The following SUPV3L1 variants were observed in gnomAD, a reference collection of about 807,000 sequenced individuals.
SUPV3L1 encodes the protein ATP-dependent RNA helicase SUPV3L1, mitochondrial.
Under a neutral mutation model 70.0 loss-of-function variants are expected in SUPV3L1, and 35 were observed. That is an observed-to-expected ratio of 0.50 (90% CI 0.38 to 0.66). The LOEUF (loss-of-function observed/expected upper bound fraction) is 0.66. Among genes scored for constraint, SUPV3L1 ranks in the 30% least tolerant of loss-of-function variants. SUPV3L1 has a pLI of 0.00. For synonymous variants in SUPV3L1, 364 were observed against 341.9 expected (o/e 1.06, Z -0.71); for missense variants, 777 against 961.5 (o/e 0.81, Z 2.54).
At chr10:69,186,374 T>A in intron 2 of SUPV3L1, 69 bp from the exon 3 acceptor site, 2 of 943,500 alleles carry the variant, frequency 2.1e-6, no homozygotes, top group Non-Finnish European at 3.3e-6. Flanking sequence ...ATGAGTTTGG[T>A]GTGGTGTGTC....
At chr10:69,180,598 G>T (rs749826593) in intron 1 of SUPV3L1, 36 bp downstream of exon 1, 1 of 1,607,624 alleles carries the variant, frequency 6.2e-7, no homozygotes, top group Non-Finnish European at 8.5e-7. Flanking sequence ...GCAGAGGGTG[G>T]TGTCTGCTGG....
intron 4 of SUPV3L1, among the ~76,000 whole-genome samples, chr10:69,188,224 C>T (rs35065837): frequency 0.16 from 24,231 of 152,132 alleles, 2,593 homozygotes; most frequent in Non-Finnish European, 0.23. Context: ...CAGGGAACCC[C>T]CACACAGACT....
chr10:69,194,833 T>C (rs1017981308), intron 6 of SUPV3L1, among the ~76,000 whole-genome samples: 1 of 143,378 alleles, frequency 7.0e-6, no homozygotes, highest in Non-Finnish European at 1.5e-5. Context: ...ACCCTGTATC[T>C]AAATTAAAAA....
At chr10:69,181,556 A>C (rs1842061004) in intron 1 of SUPV3L1, among the ~76,000 whole-genome samples, 1 of 152,086 alleles carries the variant, frequency 6.6e-6, no homozygotes, top group Admixed American at 6.6e-5. Context: ...GACTGTCTTT[A>C]TTTTCTGCTG....
In SUPV3L1 at chr10:69,207,907, G is replaced by T; in HGVS notation, c.1891G>T (p.Val631Phe). 1 of 1,614,074 alleles carries T rather than the reference G, an allele frequency of 6.2e-7. No homozygotes were observed. The highest frequency in any genetic ancestry group is 8.5e-7 in the Non-Finnish European group (1 of 1,180,010). ...TAAAGACCTCATGGATCTTGAAGCT[G>T]TCCACGATGTCTTGGATCTTTACTT... ...NIKDLMDLEA[V>F]HDVLDLYLWL... Residue 631 changes from valine to phenylalanine, a missense_variant, in exon 14 of 15, where the codon GTC becomes TTC. This residue lies in a region of SUPV3L1 where 619 missense variants were observed against 823.3 expected (regional missense o/e 0.75). Coordinates refer to ENST00000359655, the MANE Select transcript of SUPV3L1 (RefSeq NM_003171.5).
chr10:69,196,653 G>A (rs975184166), intron 7 of SUPV3L1, among the ~76,000 whole-genome samples: 3 of 152,124 alleles, frequency 2.0e-5, no homozygotes, highest in Non-Finnish European at 4.4e-5. Flanking sequence ...GTACCTCAGC[G>A]ATTCCATGGA....
intron 1 of SUPV3L1, among the ~76,000 whole-genome samples, chr10:69,180,965 A>G (rs372707573): frequency 3.3e-5 from 5 of 152,076 alleles, no homozygotes; most frequent in South Asian, 2.1e-4. Context: ...ATCATTGAGG[A>G]GGCGCCGACT....
chr10:69,202,885 T>C lies in SUPV3L1; in HGVS notation c.1618T>C (p.Ser540Pro). The change falls in exon 13 of 15, where the codon TCA (serine) becomes CCA (proline). Residue 540 changes from serine (S) to proline (P), a missense_variant. Transcript: ENST00000359655. Reference protein sequence around the residue: ...SNLIDIFVDFSQVDGQYFVCN... With the variant: ...SNLIDIFVDFPQVDGQYFVCN... Reference sequence around the variant, plus strand: ...CCCCAAGGATATTTTTGTAGACTTTTCACAAGTTGATGGGCAGTATTTTGT... The same window carrying C: ...CCCCAAGGATATTTTTGTAGACTTTCCACAAGTTGATGGGCAGTATTTTGT... 3.1e-6 allele frequency: 5 copies of C among 1,612,544 alleles called. No homozygotes were observed. The highest frequency in any genetic ancestry group is 4.2e-6 in the Non-Finnish European group (5 of 1,179,282).
intron 12 of SUPV3L1, 110 bp from the exon 13 acceptor site, chr10:69,202,757 A>C: frequency 8.3e-7 from 1 of 1,202,992 alleles, no homozygotes; most frequent in South Asian, 1.5e-5. Flanking sequence ...GCCTTTATGG[A>C]AGTTTGTTCT....
rs201987781 is a variant in SUPV3L1, at chr10:69,208,805, C to T, written c.2131C>T (p.Arg711Cys). ...CTTAAAGAGCCAAGCTAGAAGGACA[C>T]GCGGCACCAAAGCTCTAGGGAGTAA... ...GTLKSQARRTRGTKALGSKAT... is the reference protein window; with the variant it reads ...GTLKSQARRTCGTKALGSKAT... Residue 711 changes from arginine to cysteine, a missense_variant, in exon 15 of 15, where the codon CGC (arginine) becomes TGC (cysteine). Physicochemically the swap from Arg to Cys is radical, Grantham distance 180 (BLOSUM62 -3). Coordinates refer to ENST00000359655, the MANE Select transcript of SUPV3L1 (RefSeq NM_003171.5). The T allele has an allele frequency of 7.4e-6, 12 of 1,614,182 alleles. No individual in the cohort carries two copies. Among genetic ancestry groups the T allele is most frequent in the Middle Eastern group, 1.6e-4 (1 of 6,062 alleles).
At chr10:69,192,592 A>G (rs1460203331) in intron 6 of SUPV3L1, 1 of 152,234 alleles carries the variant, frequency 6.6e-6, no homozygotes, top group Non-Finnish European at 1.5e-5. Flanking sequence ...AAACTGTTTT[A>G]TAGTATTCCA....
chr10:69,202,505 C>T lies in SUPV3L1; in HGVS notation c.1585C>T (p.Leu529=), dbSNP rs35591164. ...TGCCTACCATCTCCCTGATGCAACA[C>T]TGTCCAATCTCATTGTAAGTGGAAA... ...MFAYHLPDAT[L]SNLIDIFVDF... Residue 529 remains leucine, a synonymous_variant, in exon 12 of 15, where the codon CTG becomes TTG. Coordinates refer to ENST00000359655, the MANE Select transcript of SUPV3L1 (RefSeq NM_003171.5). 2.1e-3 allele frequency: 3,364 copies of T among 1,612,702 alleles called. 55 individuals carry two copies. In the African/African-American group the frequency reaches 0.037, roughly 18 times the overall value.
rs767484548 is a variant in SUPV3L1, at chr10:69,186,407, C to T, written c.350-36C>T. ...GTCTGTGTGCTTTTTAAAATGAGAA[C>T]TACACCTTACATCTTTTCATTTTGT... On this transcript the variant is annotated intron_variant, in intron 2 of 14. Transcript: ENST00000359655. 4 of 1,460,572 alleles carry T rather than the reference C, an allele frequency of 2.7e-6. No homozygotes were observed. The Admixed American group carries it at 6.9e-5, about 25-fold the overall frequency. The allele number at this position is 1,460,572 out of a possible 1,614,324, so 90.5% of individuals were successfully genotyped here.
chr10:69,202,541 C>T (rs1842711977), intron 12 of SUPV3L1, 22 bp downstream of exon 12: 1 of 1,601,662 alleles, frequency 6.2e-7, no homozygotes, highest in African/African-American at 1.3e-5. Context: ...CTCCCTTTCA[C>T]ATCTCCCCTA....
At chr10:69,184,194 T>C (rs887859391) in intron 1 of SUPV3L1, among the ~76,000 whole-genome samples, 2 of 152,068 alleles carry the variant, frequency 1.3e-5, no homozygotes, top group African/African-American at 4.8e-5. Flanking sequence ...TGTGCCTTTT[T>C]CCAATCTTTT....
intron 5 of SUPV3L1, among the ~76,000 whole-genome samples, chr10:69,190,978 G>T (rs1251653270): frequency 6.9e-6 from 1 of 145,982 alleles, no homozygotes. Context: ...CCCTCTCAGG[G>T]AATTATAATA....
intron 5 of SUPV3L1, among the ~76,000 whole-genome samples, chr10:69,190,976 G>C (rs1206482746): frequency 6.8e-6 from 1 of 146,966 alleles, no homozygotes; most frequent in Non-Finnish European, 1.5e-5. Context: ...GTCCCTCTCA[G>C]GGAATTATAA....
At chr10:69,186,909 A>G (rs1477343029) in intron 3 of SUPV3L1, among the ~76,000 whole-genome samples, 1 of 152,212 alleles carries the variant, frequency 6.6e-6, no homozygotes, top group African/African-American at 2.4e-5. Flanking sequence ...AAAAAAGTCA[A>G]AATATCATAG....
intron 7 of SUPV3L1, 144 bp from the exon 8 acceptor site, chr10:69,196,848 T>C (rs535497343): frequency 4.4e-5 from 27 of 618,260 alleles, no homozygotes; most frequent in Non-Finnish European, 7.0e-5. Flanking sequence ...ATTTCAAGGT[T>C]TGCATCAGAG....
Sources: gnomAD v4.1 joint callset for allele counts (sites outside exome capture counted in the v4.1 genomes callset) on GRCh38, gnomAD v4.1.1 for gene constraint, gnomAD v4.1.1 regional missense constraint, MANE v1.5 for transcripts, NCBI Gene and HGNC (gene_info 2026-07-23, HGNC 2026-07-21) for gene names.